The following ATRNL1 variants were observed in gnomAD, a reference collection of about 807,000 sequenced individuals.
ATRNL1 encodes the protein attractin like 1, also known as attractin-like protein 1.
Under a neutral mutation model 182.7 loss-of-function variants are expected in ATRNL1, and 95 were observed. The observed-to-expected ratio is 0.52, with a 90% confidence interval of 0.44 to 0.62. The LOEUF (loss-of-function observed/expected upper bound fraction) is 0.62. ATRNL1 is among the 20% of genes least tolerant of loss of function. The pLI is 0.00. For missense variants in ATRNL1, 1,471 were observed against 1,679.5 expected (o/e 0.88, Z 2.17); for synonymous variants, 576 against 568.3 (o/e 1.01, Z -0.19).
intron 26 of ATRNL1, among the ~76,000 whole-genome samples, chr10:115,588,052 AGACTGGATAATAAAT>A (rs1404311565): frequency 6.6e-6 from 1 of 152,224 alleles, no homozygotes; most frequent in Non-Finnish European, 1.5e-5. Flanking sequence ...AGGGATTATC[AGACTGGATAATAAAT>A]GGAAGTTTTC....
At chr10:115,323,758 T>A (rs1181502549) in intron 18 of ATRNL1, among the ~76,000 whole-genome samples, 6 of 144,782 alleles carry the variant, frequency 4.1e-5, no homozygotes. Context: ...ATTTTTTATA[T>A]CTTTAATTAT....
chr10:115,368,247 G>T (rs767958844), intron 19 of ATRNL1, among the ~76,000 whole-genome samples: 1 of 152,174 alleles, frequency 6.6e-6, no homozygotes, highest in Non-Finnish European at 1.5e-5. Flanking sequence ...TTTTAAGCCG[G>T]TCCGAAAAGC....
At position 115,677,729 on chromosome 10, in the gene ATRNL1, G is replaced by A. The variant is rs1009049747; in HGVS notation, c.3796-49519G>A. On this transcript the variant is annotated intron_variant, in intron 26 of 28. Transcript: ENST00000355044. ...TCTCGGATATGTCTTTATCAGCAACGTGAAAACAGACTAATAGAGCAAGGA... is the reference window on the plus strand; with the variant it reads ...TCTCGGATATGTCTTTATCAGCAACATGAAAACAGACTAATAGAGCAAGGA... Among the ~76,000 whole-genome samples, 10 of 152,058 alleles carry A rather than the reference G, an allele frequency of 6.6e-5. No individual in the cohort carries two copies. The East Asian group carries it at 7.8e-4, about 12-fold the overall frequency.
chr10:115,576,220 G>A (rs1854699836), intron 26 of ATRNL1, among the ~76,000 whole-genome samples: 2 of 152,032 alleles, frequency 1.3e-5, no homozygotes, highest in African/African-American at 4.8e-5. Context: ...GCTCTGTGAT[G>A]TGCTGATTTC....
chr10:115,521,135 AC>A (rs1850904701), intron 25 of ATRNL1, among the ~76,000 whole-genome samples: 1 of 118,334 alleles, frequency 8.5e-6, no homozygotes. Flanking sequence ...CATTAAAACA[AC>A]TTTTGTTGTT....
At chr10:115,375,282 T>A (rs1857612294) in intron 19 of ATRNL1, among the ~76,000 whole-genome samples, 1 of 151,926 alleles carries the variant, frequency 6.6e-6, no homozygotes, top group Non-Finnish European at 1.5e-5. Context: ...TTGTCTGATA[T>A]AGCCACCCCT....
In ATRNL1 at chr10:115,842,811, C is replaced by G. The variant is rs970994026; in HGVS notation, c.3904-5066C>G. ...CCTGGATCTGCCCCTCACTAGCTGT[C>G]TTACCCTGAGAATACAGTCTGACCG... On this transcript the variant is annotated intron_variant, in intron 27 of 28. Transcript: ENST00000355044. Among the ~76,000 whole-genome samples the G allele has an allele frequency of 2.6e-5, 4 of 152,088 alleles. No individual in the cohort carries two copies. In the East Asian group the frequency reaches 7.7e-4, roughly 29 times the overall value.
chr10:115,189,276 A>G lies in ATRNL1; in HGVS notation c.1348+17984A>G, dbSNP rs150295577. On this transcript the variant is annotated intron_variant, in intron 8 of 28. Transcript: ENST00000355044. ...ATAATATTTGATGCTGATAATAAACAACTATGTTAGTGATTTATGTGTTTA... is the reference window on the plus strand; with the variant it reads ...ATAATATTTGATGCTGATAATAAACGACTATGTTAGTGATTTATGTGTTTA... Among the ~76,000 whole-genome samples the G allele has an allele frequency of 4.5e-3, 689 of 151,634 alleles. 5 individuals carry two copies. The highest frequency in any genetic ancestry group is 9.9e-3 in the South Asian group (48 of 4,826).
chr10:115,668,524 C>A (rs1044266251), intron 26 of ATRNL1, among the ~76,000 whole-genome samples: 1 of 152,108 alleles, frequency 6.6e-6, no homozygotes, highest in Admixed American at 6.6e-5. Context: ...TTAAGTTTAA[C>A]TAACATATCT....
At chr10:115,543,339 T>C (rs1852467875) in intron 25 of ATRNL1, among the ~76,000 whole-genome samples, 1 of 152,236 alleles carries the variant, frequency 6.6e-6, no homozygotes, top group Non-Finnish European at 1.5e-5. Context: ...ATATTTTTAT[T>C]GCATTTTAAG....
At chr10:115,613,533 G>A (rs782191711) in intron 26 of ATRNL1, among the ~76,000 whole-genome samples, 1 of 152,058 alleles carries the variant, frequency 6.6e-6, no homozygotes, top group African/African-American at 2.4e-5. Context: ...GCTAATGCTA[G>A]CCTCATAAAA....
chr10:115,255,828 T>C (rs553920113), intron 10 of ATRNL1, among the ~76,000 whole-genome samples: 2 of 152,208 alleles, frequency 1.3e-5, no homozygotes, highest in Non-Finnish European at 2.9e-5. Context: ...ACCTAATTTA[T>C]TGAGAGTTTT....
At chr10:115,929,690 T>C (rs1224202354) in intron 28 of ATRNL1, among the ~76,000 whole-genome samples, 1 of 152,094 alleles carries the variant, frequency 6.6e-6, no homozygotes, top group Admixed American at 6.6e-5. Flanking sequence ...ACTTTTTAGT[T>C]TTTATCTTGG....
chr10:115,922,617 C>A, intron 28 of ATRNL1, among the ~76,000 whole-genome samples: 1 of 152,268 alleles, frequency 6.6e-6, no homozygotes, highest in Admixed American at 6.5e-5. Flanking sequence ...AGGCATGAAT[C>A]ACTGTACTCA....
chr10:115,625,540 A>G (rs1555024381), intron 26 of ATRNL1, among the ~76,000 whole-genome samples: 3 of 152,164 alleles, frequency 2.0e-5, no homozygotes, highest in Non-Finnish European at 4.4e-5. Flanking sequence ...AAGTTTAGAA[A>G]AGAAAGAAAA....
At chr10:115,579,607 G>T (rs940032320) in intron 26 of ATRNL1, among the ~76,000 whole-genome samples, 31 of 151,974 alleles carry the variant, frequency 2.0e-4, no homozygotes, top group African/African-American at 6.7e-4. Context: ...GCCAATGTGT[G>T]TTCTTGAATC....
chr10:115,241,378 C>T (rs1202947674), intron 9 of ATRNL1, among the ~76,000 whole-genome samples, 193 bp from the exon 10 acceptor site: 2 of 151,346 alleles, frequency 1.3e-5, no homozygotes, highest in Non-Finnish European at 3.0e-5. Flanking sequence ...TTTTAAGATG[C>T]TATGAGCCTC....
At position 115,696,898 on chromosome 10, in the gene ATRNL1, A is replaced by AG. The variant is rs572628639; in HGVS notation, c.3796-30349dup. Among the ~76,000 whole-genome samples, 59 of 147,674 alleles carry AG rather than the reference A, an allele frequency of 4.0e-4. 1 individual carries two copies. In the South Asian group the frequency reaches 0.012, roughly 30 times the overall value. On this transcript the variant is annotated intron_variant, in intron 26 of 28. Transcript: ENST00000355044. Reference sequence around the variant, plus strand: ...GAGAGAGAGAGAGAGAGAGAGAGAGAGCGAGCGAGCTAGGGGGGAAATGCC... The same window carrying AG: ...GAGAGAGAGAGAGAGAGAGAGAGAGAGGCGAGCGAGCTAGGGGGGAAATGCC...
At chr10:115,482,302 G>A (rs1554974318) in intron 24 of ATRNL1, among the ~76,000 whole-genome samples, 1 of 150,978 alleles carries the variant, frequency 6.6e-6, no homozygotes, top group African/African-American at 2.4e-5. Flanking sequence ...GTGTAAATCT[G>A]TAGGTTGAAA....
Sources: allele counts gnomAD v4.1 joint callset (sites outside exome capture counted in the v4.1 genomes callset), GRCh38; gene constraint gnomAD v4.1.1; transcripts MANE v1.5; gene names NCBI Gene and HGNC (gene_info 2026-07-23, HGNC 2026-07-21).